Variants in TBC1D4 observed in about 807,000 individuals in gnomAD.
TBC1D4 encodes TBC (Tre-2, BUB2, CDC16) domain-containing protein.
In TBC1D4, 121 loss-of-function variants were observed where a neutral mutation model predicts 142.5. That is an observed-to-expected ratio of 0.85 (90% confidence interval 0.73 to 0.99). The LOEUF (loss-of-function observed/expected upper bound fraction) is 0.99, where lower values mean the gene tolerates loss of function less well. Ranked by LOEUF, TBC1D4 falls within the 50% of genes least tolerant of loss-of-function variation. The probability of loss-of-function intolerance (pLI) is 0.00; values close to 1 mark genes in which losing one functional copy is unlikely to be tolerated. For synonymous variants in TBC1D4, 630 were observed against 628.2 expected (o/e 1.00, Z -0.04); for missense variants, 1,475 against 1,606.6 (o/e 0.92, Z 1.40).
Position 75,349,361 on chromosome 13 carries a change from A to G in TBC1D4, c.1276-59T>C, listed in dbSNP as rs1881420723. 19 of 1,605,250 alleles carry G rather than the reference A, an allele frequency of 1.2e-5. No homozygotes were observed. In the South Asian group the frequency reaches 2.0e-4, roughly 17 times the overall value. ...GTTGGCTTACATGGCAACATTCAAC[A>G]TTCAACAGCAATGTGAGCCTTTGTT... On this transcript the variant is annotated intron_variant, in intron 4 of 20. Coordinates refer to ENST00000377636, the MANE Select transcript of TBC1D4 (RefSeq NM_014832.5).
At chr13:75,453,689 C>T (rs1263897303) in intron 1 of TBC1D4, among the ~76,000 whole-genome samples, 1 of 151,980 alleles carries the variant, frequency 6.6e-6, no homozygotes, top group Non-Finnish European at 1.5e-5. Context: ...TGGCAAAACC[C>T]CGTCTCTACT....
intron 1 of TBC1D4, among the ~76,000 whole-genome samples, chr13:75,405,641 A>G (rs1299845353): frequency 5.9e-5 from 9 of 152,174 alleles, no homozygotes; most frequent in Non-Finnish European, 1.2e-4. Flanking sequence ...ATTGAAAGGG[A>G]AGTTATTTTT....
intron 1 of TBC1D4, among the ~76,000 whole-genome samples, chr13:75,372,886 T>A (rs1883296905): frequency 1.3e-5 from 2 of 152,186 alleles, no homozygotes; most frequent in Admixed American, 1.3e-4. Context: ...TGACATTTAA[T>A]TTGCTAGAGA....
chr13:75,390,317 G>C (rs1884405247), intron 1 of TBC1D4, among the ~76,000 whole-genome samples: 1 of 147,342 alleles, frequency 6.8e-6, no homozygotes, highest in South Asian at 2.2e-4. Flanking sequence ...AAGAAAAGAA[G>C]TCAGAACAGA....
At chr13:75,353,866 A>T (rs1047658844) in intron 4 of TBC1D4, among the ~76,000 whole-genome samples, 13 of 152,186 alleles carry the variant, frequency 8.5e-5, no homozygotes, top group Admixed American at 2.6e-4. Context: ...ACAGTATGAA[A>T]GGCAGCAAGC....
chr13:75,332,972 C>A (rs1879880222), intron 8 of TBC1D4, among the ~76,000 whole-genome samples: 1 of 152,192 alleles, frequency 6.6e-6, no homozygotes, highest in East Asian at 1.9e-4. Context: ...TAAACATATT[C>A]TTATAATGCT....
rs745870416 is a variant in TBC1D4 at position 75,324,378 on chromosome 13, A to C, written c.2057T>G (p.Met686Arg). ...GGAGGAAGAATTACTCTCCTTGTAC[A>C]TGCGTCGAACTGACGAAAGATTGCT... ...QCSNLSSVRR[M>R]YKESNSSSSL... Residue 686 changes from methionine to arginine, a missense_variant, in exon 11 of 21, where the codon ATG (methionine) becomes AGG (arginine). Physicochemically the swap from Met to Arg is moderately conservative, Grantham distance 91. This residue lies in a region of TBC1D4 where 1,227 missense variants were observed against 1,267.7 expected (regional missense o/e 0.97). Coordinates refer to ENST00000377636, the MANE Select transcript of TBC1D4 (RefSeq NM_014832.5). The C allele has an allele frequency of 1.9e-6, 3 of 1,613,912 alleles. No homozygotes were observed. Among genetic ancestry groups the C allele is most frequent in the East Asian group, 2.2e-5 (1 of 44,876 alleles).
At chr13:75,388,921 C>T (rs1884324595) in intron 1 of TBC1D4, among the ~76,000 whole-genome samples, 1 of 152,164 alleles carries the variant, frequency 6.6e-6, no homozygotes, top group Non-Finnish European at 1.5e-5. Context: ...ACCAGCTCTC[C>T]AGTTTATTGG....
rs960108726 is a variant in TBC1D4, at chr13:75,326,231, G to A, written c.1999C>T (p.Pro667Ser). The change falls in exon 10 of 21, where the codon CCT (proline) becomes TCT (serine). Residue 667 changes from proline (P) to serine (S), a missense_variant. Physicochemically the swap from Pro to Ser is moderately conservative, Grantham distance 74. This residue lies in a region of TBC1D4 where 1,227 missense variants were observed against 1,267.7 expected (regional missense o/e 0.97). Coordinates refer to ENST00000377636, the MANE Select transcript of TBC1D4 (RefSeq NM_014832.5). The stretch of plus-strand genomic sequence containing the variant: ...TCACTGGAGCTCTGCCTCAGCAGAG[G>A]GGAACGCACACCCTGAGCCCTCCCA... ...QDGRAQGVRS[P>S]LLRQSSSEQC... The A allele has an allele frequency of 1.2e-6, 2 of 1,614,012 alleles. No individual in the cohort carries two copies. Among genetic ancestry groups the A allele is most frequent in the East Asian group, 2.2e-5 (1 of 44,878 alleles).
intron 1 of TBC1D4, among the ~76,000 whole-genome samples, chr13:75,376,850 A>G (rs1883539159): frequency 6.6e-6 from 1 of 152,240 alleles, no homozygotes; most frequent in Non-Finnish European, 1.5e-5. Context: ...AATATAAATT[A>G]AATTTCTTAA....
intron 1 of TBC1D4, among the ~76,000 whole-genome samples, chr13:75,391,126 G>A (rs1426574211): frequency 7.2e-6 from 1 of 138,114 alleles, no homozygotes; most frequent in Non-Finnish European, 1.5e-5. Flanking sequence ...AGACACTGCT[G>A]TAGCAGTTCT....
chr13:75,399,314 G>A (rs1884961772), intron 1 of TBC1D4, among the ~76,000 whole-genome samples: 1 of 152,182 alleles, frequency 6.6e-6, no homozygotes, highest in South Asian at 2.1e-4. Flanking sequence ...CCCAATGAGA[G>A]CTGAGGCTGA....
At chr13:75,305,372 G>A (rs1385211872) in intron 15 of TBC1D4, among the ~76,000 whole-genome samples, 4 of 152,222 alleles carry the variant, frequency 2.6e-5, no homozygotes, top group Admixed American at 1.3e-4. Flanking sequence ...AGGAAGATAA[G>A]CACTCCTAAA....
intron 1 of TBC1D4, among the ~76,000 whole-genome samples, chr13:75,419,088 C>A (rs1180929356): frequency 1.3e-5 from 2 of 152,198 alleles, no homozygotes; most frequent in African/African-American, 4.8e-5. Context: ...CACACACACA[C>A]ACACACAAAT....
intron 1 of TBC1D4, among the ~76,000 whole-genome samples, chr13:75,410,877 A>G (rs1468493401): frequency 8.2e-6 from 1 of 122,462 alleles, no homozygotes; most frequent in Non-Finnish European, 1.6e-5. Flanking sequence ...CGGAGCTTGC[A>G]GTGAGCCGAG....
At chr13:75,434,160 G>GTATA (rs1886696436) in intron 1 of TBC1D4, among the ~76,000 whole-genome samples, 1 of 152,140 alleles carries the variant, frequency 6.6e-6, no homozygotes, top group African/African-American at 2.4e-5. Flanking sequence ...CCACTACTGG[G>GTATA]TATATATCCA....
intron 5 of TBC1D4, among the ~76,000 whole-genome samples, chr13:75,347,973 A>G (rs886237713): frequency 6.6e-6 from 1 of 152,098 alleles, no homozygotes; most frequent in African/African-American, 2.4e-5. Flanking sequence ...CCATCTCTAC[A>G]AAAAATTTTT....
At chr13:75,412,234 T>A (rs1885705296) in intron 1 of TBC1D4, among the ~76,000 whole-genome samples, 1 of 152,130 alleles carries the variant, frequency 6.6e-6, no homozygotes, top group African/African-American at 2.4e-5. Context: ...AGTAACCCCT[T>A]TATGGCTTCT....
intron 1 of TBC1D4, among the ~76,000 whole-genome samples, chr13:75,424,221 T>TA (rs1886282361): frequency 6.8e-6 from 1 of 146,612 alleles, no homozygotes; most frequent in Non-Finnish European, 1.5e-5. Flanking sequence ...TGCAGTGAGC[T>TA]ATGATCATGC....
Sources: allele counts gnomAD v4.1 joint callset (sites outside exome capture counted in the v4.1 genomes callset), GRCh38; gene constraint gnomAD v4.1.1; regional missense constraint gnomAD v4.1.1; transcripts MANE v1.5; gene names NCBI Gene and HGNC (gene_info 2026-07-23, HGNC 2026-07-21).